Variants in WDR25 observed in about 807,000 individuals in gnomAD.
The protein encoded by WDR25 is WD repeat-containing protein 25.
Under a neutral mutation model 47.7 loss-of-function variants are expected in WDR25, and 35 were observed. The ratio of observed to expected loss-of-function variants is 0.73; its 90% CI spans 0.56 to 0.97. The LOEUF is 0.97. Ranked by LOEUF, WDR25 falls within the 50% of genes least tolerant of loss-of-function variation. The probability of loss-of-function intolerance (pLI) is 0.00; values close to 1 mark genes in which losing one functional copy is unlikely to be tolerated. For missense variants in WDR25, 634 were observed against 704.7 expected (o/e 0.90, Z 1.14); for synonymous variants, 248 against 278.9 (o/e 0.89, Z 1.10).
rs566233766 is a variant in WDR25, at chr14:100,391,156, G to A, written c.822+9410G>A. 3.3e-5 allele frequency among the ~76,000 whole-genome samples: 5 copies of A among 152,182 alleles called. 1 individual carries two copies. The South Asian group carries it at 8.3e-4, about 25-fold the overall frequency. On this transcript the variant is annotated intron_variant, in intron 2 of 6. Transcript: ENST00000402312. The stretch of plus-strand genomic sequence containing the variant: ...AAAACCTGACATTTTTCGCTGTCAA[G>A]TCTCTGGCCCTTTCCCTTTGTAATT...
intron 4 of WDR25, among the ~76,000 whole-genome samples, chr14:100,507,747 G>A (rs1163536494): frequency 4.6e-5 from 7 of 151,362 alleles, no homozygotes; most frequent in Non-Finnish European, 1.0e-4. Flanking sequence ...GTATAGAAAT[G>A]CTACAGATTT....
intron 4 of WDR25, among the ~76,000 whole-genome samples, chr14:100,515,348 C>G (rs1249856319): frequency 1.3e-5 from 2 of 152,086 alleles, no homozygotes; most frequent in African/African-American, 4.8e-5. Context: ...AACCCCACCC[C>G]TCATCTCCCT....
chr14:100,523,654 C>T lies in WDR25; in HGVS notation c.1102-2216C>T, dbSNP rs548129560. On this transcript the variant is annotated intron_variant, in intron 4 of 6. Transcript: ENST00000402312. This position sits in a 1 kb window ranked among gnomAD's most constrained non-coding sequence, Gnocchi z 4.7. Reference sequence around the variant, plus strand: ...GGCAGGAACCCAAGGCTGCTCTGGACGAGTCAGCAGCGGCCCAGCATCCCC... The same window carrying T: ...GGCAGGAACCCAAGGCTGCTCTGGATGAGTCAGCAGCGGCCCAGCATCCCC... Among the ~76,000 whole-genome samples the T allele has an allele frequency of 4.6e-5, 7 of 152,246 alleles. No individual in the cohort carries two copies. The South Asian group carries it at 6.2e-4, about 14-fold the overall frequency.
At chr14:100,432,488 T>A (rs1049290773) in intron 2 of WDR25, among the ~76,000 whole-genome samples, 1 of 152,208 alleles carries the variant, frequency 6.6e-6, no homozygotes, top group Non-Finnish European at 1.5e-5. Context: ...TTTTAAAAAA[T>A]GTTGATGTAA....
intron 2 of WDR25, among the ~76,000 whole-genome samples, chr14:100,416,240 A>G (rs1897864782): frequency 6.6e-6 from 1 of 152,196 alleles, no homozygotes; most frequent in African/African-American, 2.4e-5. Flanking sequence ...TTTTAAGAGT[A>G]AGAGGCAGTA....
chr14:100,443,849 T>C (rs367553467), intron 2 of WDR25, among the ~76,000 whole-genome samples: 3 of 152,192 alleles, frequency 2.0e-5, no homozygotes, highest in East Asian at 1.9e-4. Context: ...GTAATAATAA[T>C]TGCTGTCGTT....
At chr14:100,411,977 T>C (rs1233526465) in intron 2 of WDR25, among the ~76,000 whole-genome samples, 1 of 152,238 alleles carries the variant, frequency 6.6e-6, no homozygotes, top group Non-Finnish European at 1.5e-5. Flanking sequence ...CTAGCAGATA[T>C]TGCTGTTTCC....
At chr14:100,421,939 C>T (rs796678316) in intron 2 of WDR25, among the ~76,000 whole-genome samples, 5 of 152,284 alleles carry the variant, frequency 3.3e-5, no homozygotes, top group African/African-American at 1.2e-4. Flanking sequence ...TAAATAAGCT[C>T]AAGTTTATTT....
At chr14:100,482,198 G>A (rs1290291762) in intron 3 of WDR25, among the ~76,000 whole-genome samples, 1 of 152,062 alleles carries the variant, frequency 6.6e-6, no homozygotes, top group Non-Finnish European at 1.5e-5. Flanking sequence ...GAGTTCAGTG[G>A]ATAAACTGAA....
chr14:100,446,642 G>C (rs940759409), intron 2 of WDR25, among the ~76,000 whole-genome samples: 2 of 151,752 alleles, frequency 1.3e-5, no homozygotes, highest in Admixed American at 6.6e-5. Flanking sequence ...AAAAACAGCA[G>C]CTTGAAATTA....
chr14:100,403,788 C>T (rs770208192), intron 2 of WDR25, among the ~76,000 whole-genome samples: 1 of 152,036 alleles, frequency 6.6e-6, no homozygotes, highest in South Asian at 2.1e-4. Context: ...AATGACAGGC[C>T]CACTCTTCTA....
At chr14:100,380,290 C>T (rs1368787732) in intron 1 of WDR25, among the ~76,000 whole-genome samples, 4 of 151,872 alleles carry the variant, frequency 2.6e-5, no homozygotes, top group Non-Finnish European at 4.4e-5. Context: ...TCAAGTGATC[C>T]GCCCACCTCA....
intron 3 of WDR25, among the ~76,000 whole-genome samples, chr14:100,483,597 T>C (rs1900279786): frequency 6.6e-6 from 1 of 152,240 alleles, no homozygotes; most frequent in Admixed American, 6.5e-5. Flanking sequence ...AATAATCTAC[T>C]GTATTAACTG....
intron 4 of WDR25, among the ~76,000 whole-genome samples, chr14:100,484,930 C>G (rs1022981298): frequency 1.3e-5 from 2 of 152,206 alleles, no homozygotes; most frequent in Non-Finnish European, 2.9e-5. Flanking sequence ...CAGTGTGACT[C>G]AGACATGTCA....
rs1898284776 is a variant in WDR25 at position 100,430,126 on chromosome 14, C to A, written c.823-37895C>A. Among the ~76,000 whole-genome samples, 1 of 150,658 alleles carries A rather than the reference C, an allele frequency of 6.6e-6. No homozygotes were observed. Among genetic ancestry groups the A allele is most frequent in the African/African-American group, 2.5e-5 (1 of 40,804 alleles). Reference sequence around the variant, plus strand: ...TGGACTTGGCCCCAGAGGCTCTAGGCAAATCTTGCAGACCAAGGGGGCCTG... The same window carrying A: ...TGGACTTGGCCCCAGAGGCTCTAGGAAAATCTTGCAGACCAAGGGGGCCTG... On this transcript the variant is annotated intron_variant, in intron 2 of 6. Coordinates refer to ENST00000402312, the MANE Select transcript of WDR25 (RefSeq NM_001161476.3). This position sits in a 1 kb window ranked among gnomAD's most constrained non-coding sequence, Gnocchi z 4.7.
chr14:100,390,943 C>T (rs564478707), intron 2 of WDR25, among the ~76,000 whole-genome samples: 7 of 152,310 alleles, frequency 4.6e-5, no homozygotes, highest in South Asian at 2.1e-4. Context: ...GCCGGCACTT[C>T]GTTCATTCTA....
At chr14:100,493,848 T>G (rs1900643870) in intron 4 of WDR25, among the ~76,000 whole-genome samples, 1 of 152,138 alleles carries the variant, frequency 6.6e-6, no homozygotes, top group African/African-American at 2.4e-5. Flanking sequence ...CCCATAGAAC[T>G]GGGGATAGTA....
At chr14:100,434,287 G>T (rs949383320) in intron 2 of WDR25, among the ~76,000 whole-genome samples, 3 of 152,070 alleles carry the variant, frequency 2.0e-5, no homozygotes, top group South Asian at 2.1e-4. Flanking sequence ...AGTGCTGTGG[G>T]GTTCATTCTG....
intron 2 of WDR25, among the ~76,000 whole-genome samples, chr14:100,435,063 C>A (rs1357415925): frequency 1.3e-5 from 2 of 152,110 alleles, no homozygotes; most frequent in East Asian, 1.9e-4. Context: ...ACAGCACAGC[C>A]CCCACCAGGC....
Sources: allele counts gnomAD v4.1 joint callset (sites outside exome capture counted in the v4.1 genomes callset), GRCh38; gene constraint gnomAD v4.1.1; non-coding constraint Gnocchi (gnomAD v3.1); transcripts MANE v1.5; gene names NCBI Gene and HGNC (gene_info 2026-07-23, HGNC 2026-07-21).